PRR5L: variants seen among roughly 807,000 people sequenced by gnomAD.
PRR5L encodes proline rich 5 like.
PRR5L carries 21 observed loss-of-function variants against 36.4 expected under a neutral mutation model. The ratio of observed to expected loss-of-function variants is 0.58; its 90% CI spans 0.41 to 0.83. The LOEUF (loss-of-function observed/expected upper bound fraction) is 0.83, where lower values mean the gene tolerates loss of function less well. Among genes scored for constraint, PRR5L ranks in the 40% least tolerant of loss-of-function variants. The probability of loss-of-function intolerance (pLI) is 0.00; values close to 1 mark genes in which losing one functional copy is unlikely to be tolerated. For missense variants in PRR5L, 381 were observed against 473.3 expected (o/e 0.80, Z 1.81); for synonymous variants, 188 against 197.0 (o/e 0.95, Z 0.38).
At chr11:36,356,283 A>T (rs889485273) in intron 1 of PRR5L, among the ~76,000 whole-genome samples, 3 of 152,146 alleles carry the variant, frequency 2.0e-5, no homozygotes, top group African/African-American at 7.2e-5. Flanking sequence ...GGGAAGCATG[A>T]TCATTGACAT....
At chr11:36,347,776 A>G (rs1462454247) in intron 1 of PRR5L, among the ~76,000 whole-genome samples, 1 of 151,902 alleles carries the variant, frequency 6.6e-6, no homozygotes, top group Non-Finnish European at 1.5e-5. Context: ...ATCCTTACAT[A>G]GCCTCCTTCT....
intron 1 of PRR5L, among the ~76,000 whole-genome samples, chr11:36,351,047 T>TA (rs1360394188): frequency 8.3e-5 from 3 of 36,004 alleles, no homozygotes; most frequent in South Asian, 5.5e-4. Flanking sequence ...TTAATATATT[T>TA]TATATGTATT....
Position 36,462,829 on chromosome 11 carries a change from T to G in PRR5L, c.*93T>G. 1 of 1,200,974 alleles carries G rather than the reference T, an allele frequency of 8.3e-7. No homozygotes were observed. The highest frequency in any genetic ancestry group is 1.6e-5 in the South Asian group (1 of 63,032). 74.4% of individuals were successfully genotyped at this position (1,200,974 alleles called of 1,614,324 possible). On this transcript the variant is annotated 3_prime_UTR_variant, in exon 9 of 9. Coordinates refer to ENST00000530639, the MANE Select transcript of PRR5L (RefSeq NM_001160167.2). Reference sequence around the variant, plus strand: ...ATTACTGAGGGGGGCTCTTGCTTTATGCGATGCTGCCTTATTTCCTTTAGG... The same window carrying G: ...ATTACTGAGGGGGGCTCTTGCTTTAGGCGATGCTGCCTTATTTCCTTTAGG...
intron 1 of PRR5L, among the ~76,000 whole-genome samples, chr11:36,297,999 C>T (rs1321851999): frequency 2.0e-5 from 3 of 152,194 alleles, no homozygotes; most frequent in African/African-American, 7.2e-5. Flanking sequence ...GTGTGTAAAC[C>T]TAGTTCTTTC....
chr11:36,451,754 G>C (rs2133625475), intron 8 of PRR5L, among the ~76,000 whole-genome samples: 1 of 152,266 alleles, frequency 6.6e-6, no homozygotes, highest in Admixed American at 6.5e-5. Flanking sequence ...GGAAATGTCA[G>C]GCCAACTTGT....
intron 1 of PRR5L, chr11:36,398,504 T>A (rs1000481715): frequency 1.3e-5 from 2 of 152,198 alleles, no homozygotes; most frequent in African/African-American, 2.4e-5. Context: ...TGCCCGGCAG[T>A]AGGAACAGTG....
Position 36,423,612 on chromosome 11 carries a change from A to G in PRR5L, c.294+4309A>G, listed in dbSNP as rs1020557672. Among the ~76,000 whole-genome samples, 6 of 152,226 alleles carry G rather than the reference A, an allele frequency of 3.9e-5. No individual in the cohort carries two copies. The South Asian group carries it at 8.3e-4, about 21-fold the overall frequency. The stretch of plus-strand genomic sequence containing the variant: ...GCTCCTCTAACAAGCAGGACTCCCA[A>G]AATGGAAAAAGAGCTAATTGGGTGA... On this transcript the variant is annotated intron_variant, in intron 4 of 8. Coordinates refer to ENST00000530639, the MANE Select transcript of PRR5L (RefSeq NM_001160167.2).
At chr11:36,334,620 A>C (rs375542953) in intron 1 of PRR5L, among the ~76,000 whole-genome samples, 2 of 152,202 alleles carry the variant, frequency 1.3e-5, no homozygotes, top group Non-Finnish European at 2.9e-5. Context: ...TGGTTGATCT[A>C]AACTCTTCAG....
At chr11:36,360,643 G>A (rs1050260759) in intron 1 of PRR5L, among the ~76,000 whole-genome samples, 1 of 152,210 alleles carries the variant, frequency 6.6e-6, no homozygotes, top group Non-Finnish European at 1.5e-5. Flanking sequence ...ATGTGTGTGT[G>A]TATGTTTAGG....
At chr11:36,309,907 G>T (rs1029631583) in intron 1 of PRR5L, among the ~76,000 whole-genome samples, 1 of 10,500 alleles carries the variant, frequency 9.5e-5, no homozygotes, top group African/African-American at 2.0e-4. Flanking sequence ...TGATTATCCC[G>T]TTAGTTATGT....
At chr11:36,413,857 C>T (rs1347230783) in intron 3 of PRR5L, among the ~76,000 whole-genome samples, 10 of 95,472 alleles carry the variant, frequency 1.0e-4, no homozygotes, top group African/African-American at 3.7e-4. Flanking sequence ...TGCTATCCCT[C>T]CCCCCTCCCC....
chr11:36,297,063 CAGAT>C (rs771113257), intron 1 of PRR5L, among the ~76,000 whole-genome samples: 31 of 152,198 alleles, frequency 2.0e-4, no homozygotes, highest in African/African-American at 7.2e-4. Flanking sequence ...GCTATTTCAT[CAGAT>C]AGATACTTTA....
intron 1 of PRR5L, among the ~76,000 whole-genome samples, chr11:36,322,339 A>G (rs551873776): frequency 5.9e-5 from 9 of 152,282 alleles, no homozygotes; most frequent in Non-Finnish European, 1.3e-4. Flanking sequence ...TCTCAGTAAA[A>G]TATCTCCAAC....
In PRR5L at chr11:36,385,047, G is replaced by C. The variant is rs143879774; in HGVS notation, c.-125-15950G>C. 4.1e-3 allele frequency among the ~76,000 whole-genome samples: 629 copies of C among 152,268 alleles called. 1 individual carries two copies. The highest frequency in any genetic ancestry group is 0.024 in the Middle Eastern group (7 of 294). On this transcript the variant is annotated intron_variant, in intron 1 of 8. Transcript: ENST00000530639. ...GAGTAGAGCTAATTTTTTAAAGTAA[G>C]TTGCACATTTTAATCTAGAGCACAT...
At chr11:36,397,291 C>T (rs1857682870) in intron 1 of PRR5L, among the ~76,000 whole-genome samples, 1 of 144,918 alleles carries the variant, frequency 6.9e-6, no homozygotes, top group South Asian at 2.2e-4. Flanking sequence ...ATTTCGAACT[C>T]CTGCCCTCGA....
intron 5 of PRR5L, among the ~76,000 whole-genome samples, chr11:36,434,546 A>G (rs1418760679): frequency 1.3e-5 from 2 of 152,168 alleles, no homozygotes; most frequent in African/African-American, 4.8e-5. Flanking sequence ...AGAAGATGCC[A>G]TGTTAACTTC....
chr11:36,313,792 A>G (rs924504214), intron 1 of PRR5L, among the ~76,000 whole-genome samples: 1 of 152,186 alleles, frequency 6.6e-6, no homozygotes, highest in Non-Finnish European at 1.5e-5. Context: ...CCCATGGTCA[A>G]CTCAGGAACT....
intron 1 of PRR5L, among the ~76,000 whole-genome samples, chr11:36,340,154 A>G (rs1481050214): frequency 1.3e-5 from 2 of 152,184 alleles, no homozygotes; most frequent in East Asian, 1.9e-4. Flanking sequence ...GGGCTCACCA[A>G]TCTGTGTGGT....
At chr11:36,418,752 C>T (rs574776980) in intron 3 of PRR5L, among the ~76,000 whole-genome samples, 51 of 152,054 alleles carry the variant, frequency 3.4e-4, no homozygotes, top group Middle Eastern at 3.4e-3. Context: ...GCCAAGATTG[C>T]GCCACTGCAC....
Sources: allele counts gnomAD v4.1 joint callset (sites outside exome capture counted in the v4.1 genomes callset), GRCh38; gene constraint gnomAD v4.1.1; transcripts MANE v1.5; gene names NCBI Gene and HGNC (gene_info 2026-07-23, HGNC 2026-07-21).